MED12L: variants seen among roughly 807,000 people sequenced by gnomAD.
MED12L encodes the protein mediator of RNA polymerase II transcription subunit 12-like protein.
Under a neutral mutation model 281.3 loss-of-function variants are expected in MED12L, and 60 were observed. The ratio of observed to expected loss-of-function variants is 0.21; its 90% confidence interval spans 0.17 to 0.26. The LOEUF (loss-of-function observed/expected upper bound fraction) is 0.26, where lower values mean the gene tolerates loss of function less well. MED12L is among the 10% of genes least tolerant of loss of function. The pLI, the probability that MED12L is intolerant of heterozygous loss-of-function variation, is 1.00. For synonymous variants in MED12L, 974 were observed against 987.2 expected, an observed-to-expected ratio of 0.99 and a Z score of 0.25; for missense variants, 2,146 against 2,680.9, an observed-to-expected ratio of 0.80 and a Z score of 4.41.
chr3:151,238,937 A>C (rs1447147688), intron 16 of MED12L, among the ~76,000 whole-genome samples: 3 of 152,212 alleles, frequency 2.0e-5, no homozygotes, highest in African/African-American at 7.2e-5. Context: ...TAATAATTGT[A>C]CTTGGGTGTT....
chr3:151,264,415 A>G (rs890851746), intron 16 of MED12L, among the ~76,000 whole-genome samples: 1 of 152,268 alleles, frequency 6.6e-6, no homozygotes, highest in African/African-American at 2.4e-5. Flanking sequence ...TTAGGAAAGA[A>G]GAAACTGCTT....
At chr3:151,299,349 CTTCCTTCT>C (rs1426732339) in intron 16 of MED12L, among the ~76,000 whole-genome samples, 86 of 73,116 alleles carry the variant, frequency 1.2e-3, no homozygotes, top group African/African-American at 4.0e-3. Context: ...TCTTTCCTTC[CTTCCTTCT>C]TTCTTTTCTT....
chr3:151,388,129 C>T lies in MED12L; in HGVS notation c.5408C>T (p.Thr1803Ile). 6.2e-7 allele frequency: 1 copy of T among 1,609,814 alleles called. No homozygotes were observed. The highest frequency in any genetic ancestry group is 8.5e-7 in the Non-Finnish European group (1 of 1,179,434). The change falls in exon 37 of 45, where the codon ACA becomes ATA. Residue 1803 changes from threonine to isoleucine, a missense_variant. Thr to Ile is a moderately conservative substitution (Grantham distance 89, BLOSUM62 -1). Coordinates refer to ENST00000687756, the MANE Select transcript of MED12L (RefSeq NM_001393769.1). ...ACCACAACAGATGAAGAAAAGAAAA[C>T]AAAAGGAAGGAAGCGCAAGACGAAA... ...GKTTTDEEKK[T>I]KGRKRKTKSS...
chr3:151,174,283 A>T (rs1003654825), intron 11 of MED12L, among the ~76,000 whole-genome samples: 1 of 152,156 alleles, frequency 6.6e-6, no homozygotes, highest in Non-Finnish European at 1.5e-5. Context: ...TTTACTTTGA[A>T]ATTATGGATC....
chr3:151,112,007 C>T (rs1201161836), intron 2 of MED12L, among the ~76,000 whole-genome samples: 2 of 152,124 alleles, frequency 1.3e-5, no homozygotes, highest in South Asian at 2.1e-4. Context: ...ATCTGTTTTA[C>T]GTATGATCTC....
chr3:151,390,360 TTAGC>T (rs1714041093), intron 38 of MED12L, among the ~76,000 whole-genome samples: 1 of 152,244 alleles, frequency 6.6e-6, no homozygotes, highest in South Asian at 2.1e-4. Flanking sequence ...TAAAAGGAAA[TTAGC>T]TAGTGATGAA....
chr3:151,127,549 C>A (rs563391722), intron 4 of MED12L, among the ~76,000 whole-genome samples: 3 of 152,194 alleles, frequency 2.0e-5, no homozygotes, highest in African/African-American at 4.8e-5. Context: ...ATTTGAAAAT[C>A]ATTTATTTAA....
chr3:151,256,125 G>T (rs190227379), intron 16 of MED12L, among the ~76,000 whole-genome samples: 98 of 152,314 alleles, frequency 6.4e-4, no homozygotes, highest in Middle Eastern at 3.4e-3. Context: ...GTTATGGAAA[G>T]AGCCAAATTT....
intron 38 of MED12L, among the ~76,000 whole-genome samples, chr3:151,393,126 A>G (rs1327244377): frequency 6.6e-6 from 1 of 152,164 alleles, no homozygotes; most frequent in African/African-American, 2.4e-5. Context: ...CTCATTTTAG[A>G]GGTTTCTTGT....
At chr3:151,118,774 A>G (rs939121143) in intron 3 of MED12L, among the ~76,000 whole-genome samples, 1 of 151,844 alleles carries the variant, frequency 6.6e-6, no homozygotes, top group Non-Finnish European at 1.5e-5. Context: ...GCTCACTGCA[A>G]CCTCTGCCTT....
intron 13 of MED12L, among the ~76,000 whole-genome samples, chr3:151,190,265 G>A (rs1310084746): frequency 4.0e-5 from 6 of 151,496 alleles, no homozygotes; most frequent in African/African-American, 1.2e-4. Context: ...TCCGCCTCCC[G>A]GGTTCAAGCG....
intron 2 of MED12L, among the ~76,000 whole-genome samples, chr3:151,091,300 A>G (rs1481208388): frequency 6.6e-6 from 1 of 152,096 alleles, no homozygotes; most frequent in East Asian, 1.9e-4. Context: ...CTGCATGCGG[A>G]TATCCCAGAG....
chr3:151,251,799 C>T (rs1295501431), intron 16 of MED12L, among the ~76,000 whole-genome samples: 1 of 152,156 alleles, frequency 6.6e-6, no homozygotes. Context: ...ATTTGAATTG[C>T]ATTTTAAAAA....
At chr3:151,425,552 A>ATT in intron 43 of MED12L, 1 of 417,800 alleles carries the variant, frequency 2.4e-6, no homozygotes, top group Non-Finnish European at 4.8e-6. Flanking sequence ...CAGTAAATAC[A>ATT]TTTTTGTTTT....
intron 43 of MED12L, among the ~76,000 whole-genome samples, chr3:151,419,889 C>T (rs1050957324): frequency 1.6e-5 from 2 of 128,530 alleles, no homozygotes; most frequent in Non-Finnish European, 3.3e-5. Context: ...CAAGTGTATA[C>T]CTGCACAAAC....
intron 4 of MED12L, 86 bp from the exon 5 acceptor site, chr3:151,127,739 T>C (rs1714742648): frequency 1.1e-6 from 1 of 948,832 alleles, no homozygotes. Flanking sequence ...TACAGACTCT[T>C]TCTTTTGCTT....
intron 30 of MED12L, among the ~76,000 whole-genome samples, chr3:151,377,495 A>G (rs556156476): frequency 1.8e-4 from 27 of 152,308 alleles, no homozygotes; most frequent in African/African-American, 6.3e-4. Context: ...TTTATTAATT[A>G]ATTATTTTGC....
At chr3:151,230,508 T>C (rs945929274) in intron 16 of MED12L, among the ~76,000 whole-genome samples, 1 of 152,134 alleles carries the variant, frequency 6.6e-6, no homozygotes, top group Non-Finnish European at 1.5e-5. Context: ...CACTACACTT[T>C]GATGCTCATT....
chr3:151,213,559 C>T (rs1455383645), intron 16 of MED12L: 2 of 1,614,152 alleles, frequency 1.2e-6, no homozygotes, highest in South Asian at 2.2e-5. Context: ...GTAGGGGATT[C>T]TGGCAATATG....
Sources: gnomAD v4.1 joint callset for allele counts (sites outside exome capture counted in the v4.1 genomes callset) on GRCh38, gnomAD v4.1.1 for gene constraint, MANE v1.5 for transcripts, NCBI Gene and HGNC (gene_info 2026-07-23, HGNC 2026-07-21) for gene names.